PARD3: variants seen among roughly 807,000 people sequenced by gnomAD.
The protein encoded by PARD3 is partitioning defective 3 homolog.
A neutral mutation model predicts 155.4 loss-of-function variants in PARD3; 75 were observed. The observed-to-expected ratio is 0.48, with a 90% CI of 0.40 to 0.58. The LOEUF (loss-of-function observed/expected upper bound fraction) is 0.58. Among genes scored for constraint, PARD3 ranks in the 20% least tolerant of loss-of-function variants. The pLI is 0.00. For missense variants in PARD3, 1,642 were observed against 1,721.7 expected, an observed-to-expected ratio of 0.95 and a Z score of 0.82; for synonymous variants, 576 against 610.5, an observed-to-expected ratio of 0.94 and a Z score of 0.83.
chr10:34,557,937 CAA>C (rs1302011181), intron 2 of PARD3, among the ~76,000 whole-genome samples: 59 of 72,890 alleles, frequency 8.1e-4, no homozygotes, highest in Non-Finnish European at 9.8e-4. Flanking sequence ...GACCCTGACT[CAA>C]AAAAAAAAAA....
At chr10:34,308,080 A>G (rs2134066988) in intron 20 of PARD3, among the ~76,000 whole-genome samples, 1 of 152,010 alleles carries the variant, frequency 6.6e-6, no homozygotes, top group East Asian at 1.9e-4. Context: ...AGGCAGGATC[A>G]AGGGAAAAGG....
chr10:34,690,741 G>C (rs1405974269), intron 2 of PARD3, among the ~76,000 whole-genome samples: 1 of 152,156 alleles, frequency 6.6e-6, no homozygotes, highest in East Asian at 1.9e-4. Flanking sequence ...GAACCCCGAG[G>C]GAAAACCTGC....
chr10:34,137,795 C>T (rs79454884), intron 22 of PARD3, among the ~76,000 whole-genome samples: 1 of 152,292 alleles, frequency 6.6e-6, no homozygotes, highest in Non-Finnish European at 1.5e-5. Context: ...TGGCCTAGAT[C>T]AGCCAACCCC....
At chr10:34,632,705 T>C (rs548148849) in intron 2 of PARD3, among the ~76,000 whole-genome samples, 2 of 152,368 alleles carry the variant, frequency 1.3e-5, no homozygotes, top group East Asian at 1.9e-4. Flanking sequence ...AAGCTTATTA[T>C]ACTGATTATA....
chr10:34,181,257 A>G (rs901720589), intron 22 of PARD3, among the ~76,000 whole-genome samples: 1 of 152,234 alleles, frequency 6.6e-6, no homozygotes, highest in Non-Finnish European at 1.5e-5. Flanking sequence ...GCAAAGACCA[A>G]TGACAACACC....
At position 34,225,345 on chromosome 10, in the gene PARD3, T is replaced by G. The variant is rs575931639; in HGVS notation, c.3419+44312A>C. Among the ~76,000 whole-genome samples the G allele has an allele frequency of 2.7e-5, 4 of 147,190 alleles. No individual in the cohort carries two copies. In the South Asian group the frequency reaches 6.2e-4, roughly 23 times the overall value. ...ACCAGGCAGACTGGACTAGTTTTTT[T>G]TCTCTTTTTTTTTTTTTAGGACAGA... On this transcript the variant is annotated intron_variant, in intron 22 of 24. Transcript: ENST00000374788.
chr10:34,345,970 T>C, intron 15 of PARD3: 3 of 984,410 alleles, frequency 3.0e-6, no homozygotes, highest in Non-Finnish European at 3.6e-6. Flanking sequence ...TAGTTTCCGT[T>C]ACAAATTGTA....
intron 22 of PARD3, among the ~76,000 whole-genome samples, chr10:34,184,697 G>GT (rs1588670955): frequency 2.5e-4 from 16 of 63,988 alleles, no homozygotes; most frequent in Admixed American, 1.3e-3. Context: ...CAGGCCTTTC[G>GT]GTTTTTTTTT....
At chr10:34,747,087 G>C (rs1835419224) in intron 1 of PARD3, among the ~76,000 whole-genome samples, 2 of 152,180 alleles carry the variant, frequency 1.3e-5, no homozygotes, top group South Asian at 4.1e-4. Context: ...AAAGATATTT[G>C]CTTCTGCTTC....
intron 2 of PARD3, among the ~76,000 whole-genome samples, chr10:34,672,384 G>C (rs2093625577): frequency 6.6e-6 from 1 of 152,166 alleles, no homozygotes; most frequent in East Asian, 1.9e-4. Context: ...AGCAGCTACA[G>C]GTTCCCAGGC....
chr10:34,215,378 A>C (rs1280319509), intron 22 of PARD3, among the ~76,000 whole-genome samples: 2 of 152,252 alleles, frequency 1.3e-5, no homozygotes, highest in Non-Finnish European at 2.9e-5. Context: ...TATTTCTGAG[A>C]TAAATATGTA....
At chr10:34,122,161 A>T (rs1040817792) in intron 23 of PARD3, among the ~76,000 whole-genome samples, 11 of 152,230 alleles carry the variant, frequency 7.2e-5, no homozygotes, top group Non-Finnish European at 1.3e-4. Flanking sequence ...TGCATGTGTC[A>T]AACAGTCTTG....
At chr10:34,406,101 G>A (rs992850929) in intron 5 of PARD3, among the ~76,000 whole-genome samples, 1 of 152,194 alleles carries the variant, frequency 6.6e-6, no homozygotes, top group Non-Finnish European at 1.5e-5. Context: ...ATTGACAAAT[G>A]ATGTGGATGA....
chr10:34,565,899 G>A (rs1445610054), intron 2 of PARD3, among the ~76,000 whole-genome samples: 3 of 152,166 alleles, frequency 2.0e-5, no homozygotes, highest in Non-Finnish European at 2.9e-5. Context: ...ACAAAAAGTC[G>A]TGATTCAACT....
intron 22 of PARD3, among the ~76,000 whole-genome samples, chr10:34,223,102 G>A (rs1466073323): frequency 2.0e-5 from 3 of 152,156 alleles, no homozygotes; most frequent in Non-Finnish European, 2.9e-5. Context: ...GAAGCTGGAC[G>A]TGTGGGGTCG....
chr10:34,564,909 A>C (rs533223135), intron 2 of PARD3, among the ~76,000 whole-genome samples: 33 of 152,296 alleles, frequency 2.2e-4, no homozygotes, highest in African/African-American at 7.9e-4. Context: ...TTCTTATAAC[A>C]ACTTTACAAT....
chr10:34,117,999 C>A (rs1430701537), intron 24 of PARD3, among the ~76,000 whole-genome samples: 1 of 152,050 alleles, frequency 6.6e-6, no homozygotes, highest in Non-Finnish European at 1.5e-5. Context: ...TGAATGCTGG[C>A]AAAATGACTT....
intron 9 of PARD3, among the ~76,000 whole-genome samples, chr10:34,378,721 C>T (rs1189147466): frequency 1.3e-5 from 2 of 152,094 alleles, no homozygotes; most frequent in East Asian, 3.9e-4. Context: ...CCTTCACCAC[C>T]CCCCACTCCC....
chr10:34,423,662 A>G lies in PARD3; in HGVS notation c.715-21745T>C, dbSNP rs549283008. 8.5e-5 allele frequency among the ~76,000 whole-genome samples: 13 copies of G among 152,280 alleles called. No individual in the cohort carries two copies. The South Asian group carries it at 2.7e-3, about 32-fold the overall frequency. ...TTATTAACCAAAAATTACCCTAAAT[A>G]CAGCACACTGATTCACATATACACA... On this transcript the variant is annotated intron_variant, in intron 5 of 24. Transcript: ENST00000374788.
Sources: gnomAD v4.1 joint callset for allele counts (sites outside exome capture counted in the v4.1 genomes callset) on GRCh38, gnomAD v4.1.1 for gene constraint, MANE v1.5 for transcripts, NCBI Gene and HGNC (gene_info 2026-07-23, HGNC 2026-07-21) for gene names.